The following STS variants were observed in gnomAD, a reference collection of about 807,000 sequenced individuals.
STS encodes steryl-sulfatase.
A neutral mutation model predicts 26.8 loss-of-function variants in STS; 7 were observed. The ratio of observed to expected loss-of-function variants is 0.26; its 90% CI spans 0.15 to 0.49. The LOEUF (loss-of-function observed/expected upper bound fraction) is 0.49. STS is among the 20% of genes least tolerant of loss of function. The probability of loss-of-function intolerance (pLI) is 0.98; values close to 1 mark genes in which losing one functional copy is unlikely to be tolerated. For synonymous variants in STS, 199 were observed against 189.4 expected, an observed-to-expected ratio of 1.05 and a Z score of -0.42; for missense variants, 434 against 465.6, an observed-to-expected ratio of 0.93 and a Z score of 0.63.
At chrX:7,296,504 A>G (rs1213527647) in intron 7 of STS, among the ~76,000 whole-genome samples, 1 of 111,943 alleles carries the variant, frequency 8.9e-6, no homozygotes, top group East Asian at 2.8e-4. Context: ...AACCCTATGG[A>G]AACGATGTCC....
intron 7 of STS, among the ~76,000 whole-genome samples, chrX:7,295,375 C>T (rs1213758691): frequency 1.8e-5 from 2 of 110,753 alleles, no homozygotes; most frequent in African/African-American, 3.3e-5. Flanking sequence ...GAGTAGTGAG[C>T]ATAGTGCCTG....
At position 7,325,187 on chromosome X, in the gene STS, T is replaced by A. The variant is rs752448928; in HGVS notation, c.1082-152T>A. The A allele has an allele frequency of 5.2e-6, 3 of 579,401 alleles. No individual in the cohort carries two copies. The East Asian group carries it at 1.1e-4, about 21-fold the overall frequency. The allele number at this position is 579,401 out of a possible 1,213,427, so 47.7% of individuals were successfully genotyped here. A position where few individuals can be genotyped will look rare whatever the true frequency, so the allele number is the denominator to read the frequency against. On this transcript the variant is annotated intron_variant, in intron 8 of 10. Coordinates refer to ENST00000674429, the MANE Select transcript of STS (RefSeq NM_001320752.2). ...ATATATTCCTTTTTTCAATACAACA[T>A]ATACTATATTGCTCATGGAATACTC...
rs1288246557 is a variant in STS, at chrX:7,325,470, C to A, written c.1213C>A (p.Leu405Met). Reference protein sequence around the residue: ...NMDIFPTVAKLAGAPLPEDRI... With the variant: ...NMDIFPTVAKMAGAPLPEDRI... ...GGACATATTTCCTACAGTAGCCAAG[C>A]TGGCTGGAGCTCCCTTGCCTGAGGA... Residue 405 changes from leucine (L) to methionine (M), a missense_variant, in exon 9 of 11, where the codon CTG becomes ATG. Physicochemically the swap from Leu to Met is conservative, Grantham distance 15. Around this residue, in one of 2 missense-constraint regions of STS, gnomAD observed 205 missense variants for 177.3 expected, o/e 1.16. Coordinates refer to ENST00000674429, the MANE Select transcript of STS (RefSeq NM_001320752.2). 1 of 1,209,441 alleles carries A rather than the reference C, an allele frequency of 8.3e-7. No homozygotes were observed. Among genetic ancestry groups the A allele is most frequent in the African/African-American group, 1.8e-5 (1 of 57,090 alleles).
At chrX:7,216,089 C>T (rs1433668788) in intron 2 of STS, among the ~76,000 whole-genome samples, 1 of 111,887 alleles carries the variant, frequency 8.9e-6, no homozygotes, top group African/African-American at 3.2e-5. Context: ...CTCCTCCAAG[C>T]TGGTCAGAGA....
intron 9 of STS, among the ~76,000 whole-genome samples, chrX:7,325,914 G>A (rs1207876715): frequency 3.6e-5 from 4 of 112,118 alleles, no homozygotes; most frequent in South Asian, 3.7e-4. Context: ...TCTCTGGAAC[G>A]GGGGTCTTAT....
intron 2 of STS, among the ~76,000 whole-genome samples, chrX:7,205,839 C>G (rs1286716384): frequency 9.2e-6 from 1 of 108,934 alleles, no homozygotes; most frequent in Non-Finnish European, 1.9e-5. Context: ...TGGTCTGGAG[C>G]TCCCAGGCTC....
At chrX:7,288,101 T>A (rs1165528556) in intron 7 of STS, among the ~76,000 whole-genome samples, 1 of 110,355 alleles carries the variant, frequency 9.1e-6, no homozygotes, top group Non-Finnish European at 1.9e-5. Context: ...TTGCACTATC[T>A]ATATGATAAG....
intron 10 of STS, among the ~76,000 whole-genome samples, chrX:7,342,385 G>C (rs1211202588): frequency 8.9e-6 from 1 of 111,940 alleles, no homozygotes; most frequent in Non-Finnish European, 1.9e-5. Flanking sequence ...AAGGGAAAGT[G>C]AGGGAAGAGT....
chrX:7,208,768 AG>A (rs1920969816), intron 2 of STS, among the ~76,000 whole-genome samples: 1 of 111,831 alleles, frequency 8.9e-6, no homozygotes, highest in South Asian at 3.7e-4. Flanking sequence ...ATAACCTTAC[AG>A]TTCGGGAAGT....
At chrX:7,317,351 C>G (rs1453774751) in intron 8 of STS, among the ~76,000 whole-genome samples, 2 of 111,492 alleles carry the variant, frequency 1.8e-5, no homozygotes, top group South Asian at 3.8e-4. Flanking sequence ...CCTTCAAAAC[C>G]CAAGTCAAAA....
In STS at chrX:7,325,494, G is replaced by A. The variant is rs749678219; in HGVS notation, c.1237G>A (p.Asp413Asn). 8.3e-7 allele frequency: 1 copy of A among 1,210,988 alleles called. No homozygotes were observed. Among genetic ancestry groups the A allele is most frequent in the East Asian group, 3.0e-5 (1 of 33,811 alleles). ...GCTGGCTGGAGCTCCCTTGCCTGAG[G>A]ACAGGTACTCTGATGCCAGGGTGGT... Reference protein sequence around the residue: ...AKLAGAPLPEDRIIDGRDLMP... With the variant: ...AKLAGAPLPENRIIDGRDLMP... The change falls in exon 9 of 11, where the codon GAC (aspartate) becomes AAC (asparagine). Residue 413 changes from aspartate to asparagine, a missense_variant. Transcript: ENST00000674429.
chrX:7,229,887 G>C (rs1215820012), intron 2 of STS, among the ~76,000 whole-genome samples: 1 of 108,067 alleles, frequency 9.3e-6, no homozygotes, highest in African/African-American at 3.4e-5. Context: ...TTTTTTTGTC[G>C]GGGGGCGGGG....
At position 7,349,972 on chromosome X, in the gene STS, T is replaced by G; in HGVS notation, c.1448T>G (p.Phe483Cys). ...SNGCFATHVC[F>C]CFGSYVTHHD... is the part of the protein sequence containing the mutation. ...GGATGCTTTGCCACACACGTGTGCTTCTGTTTCGGGAGTTATGTCACCCAT... is the reference window on the plus strand; with the variant it reads ...GGATGCTTTGCCACACACGTGTGCTGCTGTTTCGGGAGTTATGTCACCCAT... Residue 483 changes from phenylalanine to cysteine, a missense_variant, in exon 11 of 11, where the codon TTC (phenylalanine) becomes TGC (cysteine). This residue lies in a region of STS where 205 missense variants were observed against 177.3 expected (regional missense o/e 1.16). Transcript: ENST00000674429. 8.3e-7 allele frequency: 1 copy of G among 1,211,880 alleles called. No individual in the cohort carries two copies.
At position 7,277,512 on chromosome X, in the gene STS, G is replaced by A. The variant is rs963412900; in HGVS notation, c.943+1425G>A. On this transcript the variant is annotated intron_variant, in intron 7 of 10. Transcript: ENST00000674429. ...GAGCACCTTCTTAAGAAACAAGACT[G>A]GGCTCTTCTTCCAGCTTCTAGATGC... Among the ~76,000 whole-genome samples the A allele has an allele frequency of 2.7e-5, 3 of 111,653 alleles. No homozygotes were observed. The Admixed American group carries it at 2.9e-4, about 11-fold the overall frequency.
intron 1 of STS, among the ~76,000 whole-genome samples, chrX:7,188,707 C>T (rs1394178640): frequency 8.9e-6 from 1 of 111,821 alleles, no homozygotes; most frequent in Non-Finnish European, 1.9e-5. Flanking sequence ...GGTCAAAGAG[C>T]TTCCATGCTG....
chrX:7,254,876 C>A (rs1923331735), intron 3 of STS, among the ~76,000 whole-genome samples: 1 of 111,458 alleles, frequency 9.0e-6, no homozygotes, highest in African/African-American at 3.3e-5. Flanking sequence ...AGCCACTGCG[C>A]CGGCCCAGAA....
chrX:7,207,360 T>C (rs2147035307), intron 2 of STS, among the ~76,000 whole-genome samples: 1 of 112,301 alleles, frequency 8.9e-6, no homozygotes, highest in Admixed American at 9.4e-5. Context: ...TGGCATTGTC[T>C]TCAAGCATTT....
intron 9 of STS, among the ~76,000 whole-genome samples, chrX:7,333,179 C>T (rs1394937798): frequency 5.3e-5 from 6 of 112,316 alleles, no homozygotes; most frequent in African/African-American, 1.9e-4. Context: ...CTCACCCTTT[C>T]AAAATAATTA....
intron 6 of STS, among the ~76,000 whole-genome samples, chrX:7,273,130 A>G (rs1476400376): frequency 9.0e-6 from 1 of 111,696 alleles, no homozygotes; most frequent in Non-Finnish European, 1.9e-5. Context: ...AGCTTGAGCA[A>G]CACAGCAAGA....
Sources: allele counts gnomAD v4.1 joint callset (sites outside exome capture counted in the v4.1 genomes callset), GRCh38; gene constraint gnomAD v4.1.1; regional missense constraint gnomAD v4.1.1; transcripts MANE v1.5; gene names NCBI Gene and HGNC (gene_info 2026-07-23, HGNC 2026-07-21).